The following FAM78B variants were observed in gnomAD, a reference collection of about 807,000 sequenced individuals.
The protein encoded by FAM78B is family with sequence similarity 78 member B, also known as protein FAM78B.
A neutral mutation model predicts 20.0 loss-of-function variants in FAM78B; 10 were observed. The ratio of observed to expected loss-of-function variants is 0.50; its 90% confidence interval spans 0.31 to 0.85. FAM78B has a LOEUF of 0.85. Among genes scored for constraint, FAM78B ranks in the 40% least tolerant of loss-of-function variants. FAM78B has a pLI of 0.05. For missense variants in FAM78B, 283 were observed against 345.0 expected (o/e 0.82, Z 1.42); for synonymous variants, 135 against 132.8 (o/e 1.02, Z -0.12).
chr1:166,079,389 T>C (rs1020139155), intron 1 of FAM78B, among the ~76,000 whole-genome samples: 3 of 152,180 alleles, frequency 2.0e-5, no homozygotes, highest in Non-Finnish European at 4.4e-5. Context: ...TCCCTAAACA[T>C]ACCTCCAGAG....
intron 1 of FAM78B, among the ~76,000 whole-genome samples, chr1:166,110,867 T>A (rs1033445672): frequency 4.6e-5 from 7 of 152,138 alleles, no homozygotes; most frequent in Admixed American, 4.6e-4. Context: ...AATTAAGAAG[T>A]TACAAGTGTG....
chr1:166,070,084 C>A lies in FAM78B; in HGVS notation c.*157G>T. ...TTCCTAAGGATTATGGTTCTACCAC[C>A]CAAGGAGCAGCCCTACTCTTCAAAA... On this transcript the variant is annotated 3_prime_UTR_variant, in exon 2 of 2. Coordinates refer to ENST00000354422, the MANE Select transcript of FAM78B (RefSeq NM_001017961.5). The A allele has an allele frequency of 7.6e-7, 1 of 1,323,908 alleles. No individual in the cohort carries two copies. The highest frequency in any genetic ancestry group is 9.7e-7 in the Non-Finnish European group (1 of 1,031,402). The allele number at this position is 1,323,908 out of a possible 1,614,324, so 82.0% of individuals were successfully genotyped here. A position where few individuals can be genotyped will look rare whatever the true frequency, so the allele number is the denominator to read the frequency against.
rs569545171 is a variant in FAM78B, at chr1:166,102,819, G to A, written c.264-32056C>T. On this transcript the variant is annotated intron_variant, in intron 1 of 1. Transcript: ENST00000354422. ...ATCAATGAGACAGAAAGTTAACAAG[G>A]ATATCCAGGAATTGAACTCAGCTCT... is the stretch of plus-strand genomic sequence containing the variant. 2.0e-4 allele frequency among the ~76,000 whole-genome samples: 31 copies of A among 152,210 alleles called. No homozygotes were observed. In the East Asian group the frequency reaches 2.7e-3, roughly 13 times the overall value.
intron 1 of FAM78B, among the ~76,000 whole-genome samples, chr1:166,153,439 G>C (rs537362818): frequency 6.6e-6 from 1 of 152,338 alleles, no homozygotes; most frequent in South Asian, 2.1e-4. Flanking sequence ...AGGCAGGCAG[G>C]AACCTGGCAA....
At chr1:166,101,247 C>CA (rs1316547494) in intron 1 of FAM78B, among the ~76,000 whole-genome samples, 6 of 152,308 alleles carry the variant, frequency 3.9e-5, no homozygotes, top group Admixed American at 3.9e-4. Flanking sequence ...GGGGAAAAAA[C>CA]AGAGCAGAAA....
At chr1:166,101,968 G>A (rs1188968301) in intron 1 of FAM78B, among the ~76,000 whole-genome samples, 1 of 152,150 alleles carries the variant, frequency 6.6e-6, no homozygotes, top group Non-Finnish European at 1.5e-5. Context: ...AGAAAGGTCA[G>A]GTTACCCACA....
intron 1 of FAM78B, among the ~76,000 whole-genome samples, chr1:166,082,057 C>T (rs1399324295): frequency 6.6e-6 from 1 of 152,222 alleles, no homozygotes; most frequent in Admixed American, 6.5e-5. Flanking sequence ...GACACTGCTT[C>T]CAAGCTTGTG....
At chr1:166,148,620 C>T (rs1655561352) in intron 1 of FAM78B, among the ~76,000 whole-genome samples, 1 of 152,166 alleles carries the variant, frequency 6.6e-6, no homozygotes. Context: ...AAGGATCTGC[C>T]CAATGGCAGG....
At chr1:166,096,622 G>A (rs1480868978) in intron 1 of FAM78B, among the ~76,000 whole-genome samples, 2 of 152,190 alleles carry the variant, frequency 1.3e-5, no homozygotes, top group East Asian at 3.8e-4. Context: ...CATCTGTAAA[G>A]TAGAACGAGA....
Position 166,070,692 on chromosome 1 carries a change from T to C in FAM78B, c.335A>G (p.Tyr112Cys). The C allele has an allele frequency of 6.2e-7, 1 of 1,612,516 alleles. No individual in the cohort carries two copies. ...KAISDSDGVS[Y>C]PWYGNTTETV... ...TTCTGTGGTGTTCCCGTACCAAGGG[T>C]AGCTCACCCCATCTGAGTCACTGAT... is the stretch of plus-strand genomic sequence containing the variant. Residue 112 changes from tyrosine (Y) to cysteine (C), a missense_variant, in exon 2 of 2, where the codon TAC becomes TGC. Tyr to Cys is a radical substitution (Grantham distance 194, BLOSUM62 -2). Transcript: ENST00000354422.
intron 1 of FAM78B, among the ~76,000 whole-genome samples, chr1:166,088,010 G>A (rs1256595785): frequency 6.6e-6 from 1 of 152,136 alleles, no homozygotes; most frequent in Non-Finnish European, 1.5e-5. Flanking sequence ...TGCACCCTGG[G>A]GAGGGTGGTT....
At chr1:166,098,769 C>T (rs12145793) in intron 1 of FAM78B, among the ~76,000 whole-genome samples, 29,670 of 151,910 alleles carry the variant, frequency 0.2, 3,306 homozygotes, top group East Asian at 0.38. Flanking sequence ...TTAGAATAAT[C>T]GGTGTTCCTG....
At chr1:166,162,443 A>G (rs1056222395) in intron 1 of FAM78B, among the ~76,000 whole-genome samples, 2 of 152,328 alleles carry the variant, frequency 1.3e-5, no homozygotes, top group Admixed American at 6.5e-5. Flanking sequence ...ATAGCCCCAG[A>G]AGACTCAAAG....
At chr1:166,087,532 G>A (rs949916986) in intron 1 of FAM78B, 9 of 152,168 alleles carry the variant, frequency 5.9e-5, no homozygotes, top group Admixed American at 5.2e-4. Flanking sequence ...CGTACTTCAG[G>A]CACCATGTTA....
intron 1 of FAM78B, among the ~76,000 whole-genome samples, chr1:166,092,498 G>A (rs1203939494): frequency 6.6e-6 from 1 of 152,152 alleles, no homozygotes; most frequent in Non-Finnish European, 1.5e-5. Flanking sequence ...CCTTGCTGTG[G>A]ATTCAGTTTT....
Position 166,089,948 on chromosome 1 carries a change from C to T in FAM78B, c.264-19185G>A, listed in dbSNP as rs186633117. Among the ~76,000 whole-genome samples, 196 of 152,318 alleles carry T rather than the reference C, an allele frequency of 1.3e-3. 1 individual carries two copies. Among genetic ancestry groups the T allele is most frequent in the African/African-American group, 4.6e-3 (193 of 41,574 alleles). ...CAGACTCCTCGAGACTCAGCTCCCA[C>T]TGTCCCTGAGCCACACTGGGGCTCT... On this transcript the variant is annotated intron_variant, in intron 1 of 1. Coordinates refer to ENST00000354422, the MANE Select transcript of FAM78B (RefSeq NM_001017961.5).
chr1:166,123,456 C>G (rs1216953552), intron 1 of FAM78B, among the ~76,000 whole-genome samples: 1 of 152,238 alleles, frequency 6.6e-6, no homozygotes, highest in Non-Finnish European at 1.5e-5. Context: ...CACTGGTATC[C>G]TCGTCTCCAA....
At chr1:166,133,883 C>G (rs114256297) in intron 1 of FAM78B, among the ~76,000 whole-genome samples, 1 of 152,148 alleles carries the variant, frequency 6.6e-6, no homozygotes, top group Non-Finnish European at 1.5e-5. Flanking sequence ...TTACTTTATA[C>G]GAGGAACTAA....
chr1:166,122,698 G>A (rs1654505835), intron 1 of FAM78B, among the ~76,000 whole-genome samples: 1 of 152,058 alleles, frequency 6.6e-6, no homozygotes, highest in African/African-American at 2.4e-5. Flanking sequence ...TCTGAACCTT[G>A]GCTTCTTAGC....
Sources: allele counts gnomAD v4.1 joint callset (sites outside exome capture counted in the v4.1 genomes callset), GRCh38; gene constraint gnomAD v4.1.1; transcripts MANE v1.5; gene names NCBI Gene and HGNC (gene_info 2026-07-23, HGNC 2026-07-21).